Variants in SPATS1 observed in about 807,000 individuals in gnomAD.
SPATS1 encodes spermatogenesis-associated serine-rich protein 1.
In SPATS1, 23 loss-of-function variants were observed where a neutral mutation model predicts 33.6. The observed-to-expected ratio is 0.68, with a 90% CI of 0.49 to 0.97. The LOEUF (loss-of-function observed/expected upper bound fraction) is 0.97. Ranked by LOEUF, SPATS1 falls within the 50% of genes least tolerant of loss-of-function variation. The pLI is 0.00. For synonymous variants in SPATS1, 131 were observed against 125.6 expected, an observed-to-expected ratio of 1.04 and a Z score of -0.29; for missense variants, 327 against 361.0, an observed-to-expected ratio of 0.91 and a Z score of 0.76.
intron 2 of SPATS1, among the ~76,000 whole-genome samples, chr6:44,344,790 T>G (rs1296245747): frequency 6.6e-6 from 1 of 152,228 alleles, no homozygotes. Flanking sequence ...TTGAATTCCT[T>G]TCTGGTTACC....
At chr6:44,361,210 G>A (rs1788899443) in intron 4 of SPATS1, 1 of 387,696 alleles carries the variant, frequency 2.6e-6, no homozygotes, top group South Asian at 1.0e-4. Flanking sequence ...AGAGCTACTA[G>A]GGGATCTTTT....
chr6:44,369,347 C>T (rs1178955356), intron 6 of SPATS1, among the ~76,000 whole-genome samples: 1 of 151,226 alleles, frequency 6.6e-6, no homozygotes, highest in Non-Finnish European at 1.5e-5. Flanking sequence ...GTCAGGAGTT[C>T]AAGACCAGCC....
intron 2 of SPATS1, among the ~76,000 whole-genome samples, chr6:44,352,360 C>T (rs1415087030): frequency 1.3e-5 from 2 of 152,096 alleles, no homozygotes. Flanking sequence ...AACTCCTGAC[C>T]TCAAGTCAGG....
At chr6:44,376,297 C>T (rs912364264) in intron 7 of SPATS1, 61 bp from the exon 8 acceptor site, 23 of 1,005,394 alleles carry the variant, frequency 2.3e-5, no homozygotes, top group Non-Finnish European at 3.2e-5. Flanking sequence ...TTCTTATCCG[C>T]TGTTGGTGTT....
chr6:44,364,385 C>T (rs1295125960), intron 5 of SPATS1, among the ~76,000 whole-genome samples: 2 of 152,210 alleles, frequency 1.3e-5, no homozygotes, highest in African/African-American at 2.4e-5. Context: ...AAGTTTCTTT[C>T]TCCCTCCTTT....
intron 7 of SPATS1, among the ~76,000 whole-genome samples, chr6:44,371,944 C>CAA (rs1217507871): frequency 1.2e-3 from 78 of 67,698 alleles, no homozygotes; most frequent in African/African-American, 4.2e-3. Context: ...GACTCCGTCT[C>CAA]AAAAAAAAAA....
chr6:44,369,056 C>G (rs1789426603), intron 6 of SPATS1, among the ~76,000 whole-genome samples: 1 of 151,988 alleles, frequency 6.6e-6, no homozygotes, highest in South Asian at 2.1e-4. Flanking sequence ...GCCACCACAC[C>G]TGGGTAATTT....
chr6:44,364,108 G>A (rs1305351849), intron 5 of SPATS1, among the ~76,000 whole-genome samples: 1 of 151,990 alleles, frequency 6.6e-6, no homozygotes, highest in Admixed American at 6.6e-5. Context: ...CCTCCTCCCA[G>A]GGATTATTTC....
At chr6:44,376,519 C>A in intron 8 of SPATS1, 46 bp downstream of exon 8, 1 of 1,386,086 alleles carries the variant, frequency 7.2e-7, no homozygotes, top group Non-Finnish European at 1.0e-6. Context: ...CTGGAGGAGT[C>A]CGCCGGGTAT....
At chr6:44,351,746 A>G (rs1788259033) in intron 2 of SPATS1, among the ~76,000 whole-genome samples, 1 of 152,178 alleles carries the variant, frequency 6.6e-6, no homozygotes, top group Admixed American at 6.5e-5. Context: ...CCTTACTTGT[A>G]ACTGTGGGTG....
chr6:44,370,657 A>G (rs1359327589), intron 7 of SPATS1, among the ~76,000 whole-genome samples: 6 of 152,156 alleles, frequency 3.9e-5, no homozygotes, highest in Admixed American at 3.3e-4. Context: ...TCTAATACAA[A>G]ACAGTCTCCT....
intron 5 of SPATS1, among the ~76,000 whole-genome samples, chr6:44,362,931 C>T (rs189666814): frequency 6.6e-6 from 1 of 151,464 alleles, no homozygotes; most frequent in African/African-American, 2.4e-5. Flanking sequence ...CTCCGCCTCC[C>T]GGGTTCAAGC....
intron 2 of SPATS1, among the ~76,000 whole-genome samples, chr6:44,351,122 C>CAAAAAAAAAAAAAAAAAAAAA (rs34139961): frequency 1.3e-5 from 1 of 75,514 alleles, no homozygotes; most frequent in Non-Finnish European, 2.6e-5. Context: ...GACTCTGTGT[C>CAAAAAAAAAAAAAAAAAAAAA]AAAAAAAAAA....
Position 44,361,826 on chromosome 6 carries a change from T to C in SPATS1, c.413-5T>C, listed in dbSNP as rs751717110. On this transcript the variant is annotated splice_polypyrimidine_tract_variant and splice_region_variant and intron_variant, in intron 4 of 8. Transcript: ENST00000674044. Reference sequence around the variant, plus strand: ...GCTAATGGAAGGCTTTCTGGTGTATTGCAGAAGATGGGCATCGTCCTGAGT... The same window carrying C: ...GCTAATGGAAGGCTTTCTGGTGTATCGCAGAAGATGGGCATCGTCCTGAGT... The C allele has an allele frequency of 1.1e-5, 18 of 1,614,242 alleles. No homozygotes were observed. The African/African-American group carries it at 2.1e-4, about 19-fold the overall frequency.
intron 2 of SPATS1, among the ~76,000 whole-genome samples, chr6:44,348,437 G>A (rs1255776086): frequency 6.6e-6 from 1 of 151,806 alleles, no homozygotes; most frequent in African/African-American, 2.4e-5. Context: ...ATCTTTTCGG[G>A]GGGAGAGGGG....
chr6:44,346,868 T>C (rs1413007228), intron 2 of SPATS1, among the ~76,000 whole-genome samples: 1 of 152,194 alleles, frequency 6.6e-6, no homozygotes, highest in African/African-American at 2.4e-5. Context: ...AGCAATCCCA[T>C]TACTGGGTAT....
chr6:44,346,627 A>T (rs980800588), intron 2 of SPATS1, among the ~76,000 whole-genome samples: 1 of 152,142 alleles, frequency 6.6e-6, no homozygotes, highest in African/African-American at 2.4e-5. Context: ...CAAGCAGTCT[A>T]CCTGCCGCAG....
intron 2 of SPATS1, among the ~76,000 whole-genome samples, chr6:44,344,309 A>G (rs943269348): frequency 6.6e-6 from 1 of 152,052 alleles, no homozygotes; most frequent in Non-Finnish European, 1.5e-5. Context: ...GAGTCTATTC[A>G]GGAGAATACA....
intron 2 of SPATS1, among the ~76,000 whole-genome samples, chr6:44,346,329 A>G (rs945658297): frequency 6.6e-6 from 1 of 151,516 alleles, no homozygotes; most frequent in Non-Finnish European, 1.5e-5. Context: ...CCCAAACCCA[A>G]TTATTAGGAT....
Sources: allele counts gnomAD v4.1 joint callset (sites outside exome capture counted in the v4.1 genomes callset), GRCh38; gene constraint gnomAD v4.1.1; transcripts MANE v1.5; gene names NCBI Gene and HGNC (gene_info 2026-07-23, HGNC 2026-07-21).